Variants in ST13 observed in about 807,000 individuals in gnomAD.
ST13 encodes the protein hsc70-interacting protein.
A neutral mutation model predicts 56.7 loss-of-function variants in ST13; 23 were observed. The ratio of observed to expected loss-of-function variants is 0.41; its 90% CI spans 0.29 to 0.57. The LOEUF (loss-of-function observed/expected upper bound fraction) is 0.57, where lower values mean the gene tolerates loss of function less well. Among genes scored for constraint, ST13 ranks in the 20% least tolerant of loss-of-function variants. The pLI is 0.36. For missense variants in ST13, 369 were observed against 459.9 expected (o/e 0.80, Z 1.81); for synonymous variants, 132 against 142.4 (o/e 0.93, Z 0.52).
chr22:40,840,684 C>T lies in ST13; in HGVS notation c.324G>A (p.Glu108=), dbSNP rs2057799750. 6.2e-7 allele frequency: 1 copy of T among 1,608,538 alleles called. No individual in the cohort carries two copies. Among genetic ancestry groups the T allele is most frequent in the Non-Finnish European group, 8.5e-7 (1 of 1,178,394 alleles). ...EMGDENAEIT[E]EMMDQANDKK... Reference sequence around the variant, plus strand: ...TATCATTTGCCTGATCCATCATCTCCTCCGTTATCTAGGAAGAAAATAAAA... The same window carrying T: ...TATCATTTGCCTGATCCATCATCTCTTCCGTTATCTAGGAAGAAAATAAAA... The change falls in exon 5 of 12, where the codon GAG becomes GAA. Residue 108 remains glutamate, a synonymous_variant. Coordinates refer to ENST00000216218, the MANE Select transcript of ST13 (RefSeq NM_003932.5).
intron 4 of ST13, among the ~76,000 whole-genome samples, chr22:40,841,185 C>T (rs147958274): frequency 0.014 from 2,141 of 149,366 alleles, 55 homozygotes; most frequent in African/African-American, 0.051. Flanking sequence ...GAGGGCGATC[C>T]CATCTCTCCA....
intron 4 of ST13, among the ~76,000 whole-genome samples, 153 bp downstream of exon 4, chr22:40,844,686 A>C (rs2057821979): frequency 2.6e-5 from 4 of 152,264 alleles, no homozygotes; most frequent in Admixed American, 1.3e-4. Context: ...TTAGTATTTT[A>C]AGTAGTAAAA....
intron 3 of ST13, 24 bp downstream of exon 3, chr22:40,848,270 A>T (rs1311207374): frequency 6.3e-7 from 1 of 1,577,022 alleles, no homozygotes; most frequent in African/African-American, 1.3e-5. Flanking sequence ...GTTTTCAAAT[A>T]CAAACTAACT....
At chr22:40,856,373 G>C in intron 1 of ST13, 58 bp downstream of exon 1, 1 of 1,478,182 alleles carries the variant, frequency 6.8e-7, no homozygotes, top group South Asian at 1.1e-5. Flanking sequence ...GTCCAGCCTG[G>C]CTCCCCCCTG....
At position 40,825,948 on chromosome 22, in the gene ST13, C is replaced by A. The variant is rs1234425755; in HGVS notation, c.*590G>T. ...CCAAGGATGCATGTTATATCAAACA[C>A]AGCAAGATTGCTGCTGCCCTGCCAA... On this transcript the variant is annotated 3_prime_UTR_variant, in exon 12 of 12. Transcript: ENST00000216218. 1 of 152,718 alleles carries A rather than the reference C, an allele frequency of 6.5e-6. No individual in the cohort carries two copies. The highest frequency in any genetic ancestry group is 2.4e-5 in the African/African-American group (1 of 41,466). 9.5% of individuals were successfully genotyped at this position (152,718 alleles called of 1,614,324 possible).
intron 10 of ST13, among the ~76,000 whole-genome samples, chr22:40,827,952 C>T (rs529963349): frequency 6.6e-6 from 1 of 152,254 alleles, no homozygotes; most frequent in African/African-American, 2.4e-5. Flanking sequence ...ACTCTCCATT[C>T]TTGAATATTT....
intron 3 of ST13, among the ~76,000 whole-genome samples, chr22:40,845,530 T>C (rs1266954514): frequency 6.6e-6 from 1 of 152,156 alleles, no homozygotes; most frequent in Non-Finnish European, 1.5e-5. Context: ...GGCTTACTAC[T>C]GATGCAGAAT....
chr22:40,843,106 T>C (rs1486050722), intron 4 of ST13, among the ~76,000 whole-genome samples: 1 of 151,918 alleles, frequency 6.6e-6, no homozygotes, highest in African/African-American at 2.4e-5. Context: ...GATGGAAGAG[T>C]GAGACACTGT....
chr22:40,846,222 C>T (rs2057830531), intron 3 of ST13, among the ~76,000 whole-genome samples: 1 of 152,206 alleles, frequency 6.6e-6, no homozygotes. Context: ...AGGTGTGAGT[C>T]ACCGTGCCTG....
intron 3 of ST13, among the ~76,000 whole-genome samples, chr22:40,846,131 T>C (rs2057829995): frequency 1.3e-5 from 2 of 152,102 alleles, no homozygotes; most frequent in African/African-American, 4.8e-5. Flanking sequence ...AGATGGGGTT[T>C]CTCCATGTTA....
rs747718210 is a variant in ST13 at position 40,856,543 on chromosome 22, T to A, written c.-3A>T. 1 of 1,611,396 alleles carries A rather than the reference T, an allele frequency of 6.2e-7. No homozygotes were observed. Among genetic ancestry groups the A allele is most frequent in the African/African-American group, 1.3e-5 (1 of 74,826 alleles). ...TCGTTCACTTTGCGGGGGTCCATGGTAGGGAGGTGGTGGGCGAAACTGGGG... is the reference window on the plus strand; with the variant it reads ...TCGTTCACTTTGCGGGGGTCCATGGAAGGGAGGTGGTGGGCGAAACTGGGG... On this transcript the variant is annotated 5_prime_UTR_variant, in exon 1 of 12. Transcript: ENST00000216218.
intron 10 of ST13, among the ~76,000 whole-genome samples, chr22:40,828,815 C>G (rs1318851265): frequency 6.6e-6 from 1 of 152,106 alleles, no homozygotes; most frequent in Non-Finnish European, 1.5e-5. Context: ...CTTCTAGTTT[C>G]TCTTGCTGCC....
chr22:40,849,911 G>GC (rs1555886430), intron 2 of ST13, among the ~76,000 whole-genome samples: 5 of 28,630 alleles, frequency 1.7e-4, no homozygotes, highest in African/African-American at 3.7e-4. Flanking sequence ...CAGAAAATTT[G>GC]CAAAAAAAAA....
chr22:40,834,707 C>T (rs1164320731), intron 7 of ST13, among the ~76,000 whole-genome samples: 1 of 152,140 alleles, frequency 6.6e-6, no homozygotes, highest in African/African-American at 2.4e-5. Context: ...AAGCAAAGCA[C>T]AAGATGAGCC....
chr22:40,844,689 T>C, intron 4 of ST13, 150 bp downstream of exon 4: 1 of 626,294 alleles, frequency 1.6e-6, no homozygotes, highest in South Asian at 2.0e-5. Flanking sequence ...GTATTTTAAG[T>C]AGTAAAATAC....
chr22:40,844,758 G>T, intron 4 of ST13, 81 bp downstream of exon 4: 3 of 1,196,408 alleles, frequency 2.5e-6, no homozygotes, highest in Non-Finnish European at 3.6e-6. Context: ...TTTCCTGGAA[G>T]AATCGTGTCA....
At chr22:40,827,338 G>A (rs1212559052) in intron 10 of ST13, 109 bp from the exon 11 acceptor site, 1 of 1,090,666 alleles carries the variant, frequency 9.2e-7, no homozygotes. Context: ...TAAGCACAAA[G>A]TAGTCTGAAG....
intron 5 of ST13, among the ~76,000 whole-genome samples, chr22:40,836,172 C>A (rs966675894): frequency 6.6e-6 from 1 of 152,136 alleles, no homozygotes; most frequent in Non-Finnish European, 1.5e-5. Context: ...AAAAAGTAGA[C>A]GGGCACGGTG....
Position 40,835,861 on chromosome 22 carries a change from A to G in ST13, c.409T>C (p.Phe137Leu), listed in dbSNP as rs2057774793. The change falls in exon 6 of 12, where the codon TTC (phenylalanine) becomes CTC (leucine). Residue 137 changes from phenylalanine (F) to leucine (L), a missense_variant. By Grantham distance (22) the Phe-to-Leu change is conservative. Transcript: ENST00000216218. ...DGELQKAIDL[F>L]TDAIKLNPRL... ...GGATTCAGCTTGATGGCATCTGTGAATAAGTCAATGGCTTTCTGGAGTTCA... is the reference window on the plus strand; with the variant it reads ...GGATTCAGCTTGATGGCATCTGTGAGTAAGTCAATGGCTTTCTGGAGTTCA... The G allele has an allele frequency of 3.1e-6, 5 of 1,613,224 alleles. No individual in the cohort carries two copies. The highest frequency in any genetic ancestry group is 4.2e-6 in the Non-Finnish European group (5 of 1,179,990).
Sources: gnomAD v4.1 joint callset for allele counts (sites outside exome capture counted in the v4.1 genomes callset) on GRCh38, gnomAD v4.1.1 for gene constraint, MANE v1.5 for transcripts, NCBI Gene and HGNC (gene_info 2026-07-23, HGNC 2026-07-21) for gene names.